Variants in TMEM135 observed in about 807,000 individuals in gnomAD.
The protein encoded by TMEM135 is transmembrane protein 135, also known as peroxisomal membrane protein 52.
In TMEM135, 30 loss-of-function variants were observed where a neutral mutation model predicts 60.3. The ratio of observed to expected loss-of-function variants is 0.50; its 90% confidence interval spans 0.37 to 0.68. The LOEUF (loss-of-function observed/expected upper bound fraction) is 0.68. Ranked by LOEUF, TMEM135 falls within the 30% of genes least tolerant of loss-of-function variation. The pLI, the probability that TMEM135 is intolerant of heterozygous loss-of-function variation, is 0.00. For missense variants in TMEM135, 468 were observed against 548.8 expected (o/e 0.85, Z 1.47); for synonymous variants, 190 against 186.7 (o/e 1.02, Z -0.14).
At chr11:87,040,291 GT>G (rs1180792562) in intron 1 of TMEM135, among the ~76,000 whole-genome samples, 2 of 144,820 alleles carry the variant, frequency 1.4e-5, no homozygotes, top group African/African-American at 5.8e-5. Flanking sequence ...CTTTGTGAGT[GT>G]TGGATAGTTG....
At chr11:87,189,758 G>GAAAAAAAAAAAAAAAAAAA (rs796303818) in intron 5 of TMEM135, among the ~76,000 whole-genome samples, 2 of 115,560 alleles carry the variant, frequency 1.7e-5, no homozygotes. Flanking sequence ...CGTCTCCACA[G>GAAAAAAAAAAAAAAAAAAA]AAAAAAAAAA....
chr11:87,298,675 T>C (rs760274354), intron 7 of TMEM135, among the ~76,000 whole-genome samples: 1 of 148,888 alleles, frequency 6.7e-6, no homozygotes, highest in Non-Finnish European at 1.5e-5. Context: ...TAATTCCAGA[T>C]GCTTGGGAGG....
intron 1 of TMEM135, among the ~76,000 whole-genome samples, chr11:87,056,668 C>T (rs1487654300): frequency 3.3e-5 from 5 of 152,070 alleles, no homozygotes; most frequent in Admixed American, 3.3e-4. Flanking sequence ...AATAGTGAGG[C>T]AGTTGTTATT....
chr11:87,203,723 G>A (rs1253328996), intron 5 of TMEM135, among the ~76,000 whole-genome samples: 1 of 152,120 alleles, frequency 6.6e-6, no homozygotes, highest in Non-Finnish European at 1.5e-5. Context: ...TATAAGTACC[G>A]AGGAGCACAA....
chr11:87,286,419 T>C (rs904959802), intron 6 of TMEM135, among the ~76,000 whole-genome samples: 6 of 152,226 alleles, frequency 3.9e-5, no homozygotes, highest in African/African-American at 1.4e-4. Context: ...ATAAAAGTTC[T>C]CCAAGTCCCC....
intron 5 of TMEM135, among the ~76,000 whole-genome samples, chr11:87,166,675 G>A (rs189761581): frequency 2.6e-5 from 4 of 151,566 alleles, no homozygotes; most frequent in East Asian, 1.9e-4. Flanking sequence ...TATCTGTTTT[G>A]GTACCAGTAC....
intron 5 of TMEM135, among the ~76,000 whole-genome samples, chr11:87,181,500 G>T (rs747018856): frequency 6.6e-6 from 1 of 152,102 alleles, no homozygotes; most frequent in African/African-American, 2.4e-5. Context: ...GCCAAATATC[G>T]TGTGATTCAG....
intron 4 of TMEM135, among the ~76,000 whole-genome samples, chr11:87,115,076 A>G (rs756860503): frequency 6.6e-6 from 1 of 152,202 alleles, no homozygotes; most frequent in Non-Finnish European, 1.5e-5. Flanking sequence ...GAGAAGCTCT[A>G]GTCAAAGATG....
Position 87,144,157 on chromosome 11 carries a change from A to G in TMEM135, c.397-13184A>G, listed in dbSNP as rs528477351. Reference sequence around the variant, plus strand: ...GTATAAAATAAAAAAAACTACAGAAATTATTAGTAGAGCTGTAAATTGTAT... The same window carrying G: ...GTATAAAATAAAAAAAACTACAGAAGTTATTAGTAGAGCTGTAAATTGTAT... On this transcript the variant is annotated intron_variant, in intron 4 of 14. Transcript: ENST00000305494. Among the ~76,000 whole-genome samples the G allele has an allele frequency of 4.9e-4, 74 of 152,274 alleles. 1 individual carries two copies. The Middle Eastern group carries it at 0.017, about 35-fold the overall frequency.
At position 87,318,197 on chromosome 11, in the gene TMEM135, A is replaced by G. The variant is rs1942764391; in HGVS notation, c.1138A>G (p.Ile380Val). ...TCCCTATTTTCCTCATGCAGATACT[A>G]TCATCTATTCCATCTCTACAGCAAT... is the stretch of plus-strand genomic sequence containing the variant. The part of the protein sequence containing the change: ...KVPYFPHADT[I>V]IYSISTAICF... Residue 380 changes from isoleucine to valine, a missense_variant, in exon 13 of 15, where the codon ATC (isoleucine) becomes GTC (valine). Physicochemically the swap from Ile to Val is conservative, Grantham distance 29. Transcript: ENST00000305494. The G allele has an allele frequency of 1.2e-6, 2 of 1,612,686 alleles. No homozygotes were observed. Among genetic ancestry groups the G allele is most frequent in the East Asian group, 2.2e-5 (1 of 44,842 alleles).
intron 5 of TMEM135, among the ~76,000 whole-genome samples, chr11:87,175,909 A>G (rs1939354992): frequency 6.6e-6 from 1 of 152,224 alleles, no homozygotes; most frequent in Admixed American, 6.5e-5. Flanking sequence ...AATTTTGCAT[A>G]TAATATTAGG....
intron 3 of TMEM135, among the ~76,000 whole-genome samples, chr11:87,081,333 ATTTT>A (rs371071857): frequency 0.019 from 2,846 of 146,256 alleles, 74 homozygotes; most frequent in East Asian, 0.062. Flanking sequence ...TTCCACTGTA[ATTTT>A]TTTTTTCGTT....
At chr11:87,249,303 G>T (rs539507993) in intron 6 of TMEM135, among the ~76,000 whole-genome samples, 18 of 152,186 alleles carry the variant, frequency 1.2e-4, no homozygotes, top group African/African-American at 3.9e-4. Context: ...ATCATGAAAA[G>T]ATGTTGAATT....
At chr11:87,153,694 A>G (rs918350439) in intron 4 of TMEM135, among the ~76,000 whole-genome samples, 14 of 152,276 alleles carry the variant, frequency 9.2e-5, no homozygotes, top group Non-Finnish European at 4.4e-5. Flanking sequence ...CCTAGATGTA[A>G]ACTCCTTAAA....
intron 5 of TMEM135, among the ~76,000 whole-genome samples, chr11:87,228,461 A>G (rs1008882931): frequency 6.6e-6 from 1 of 152,196 alleles, no homozygotes; most frequent in African/African-American, 2.4e-5. Context: ...AATGAAGTAC[A>G]GACGGCGCAA....
At chr11:87,252,798 ATGTGTGTGTGTGTG>A (rs558272693) in intron 6 of TMEM135, among the ~76,000 whole-genome samples, 3 of 134,216 alleles carry the variant, frequency 2.2e-5, no homozygotes, top group African/African-American at 5.6e-5. Flanking sequence ...TAAAATATAT[ATGTGTGTGTGTGTG>A]TGTGTGTGTG....
At chr11:87,091,798 A>G (rs1857212230) in intron 4 of TMEM135, among the ~76,000 whole-genome samples, 2 of 152,134 alleles carry the variant, frequency 1.3e-5, no homozygotes, top group Non-Finnish European at 2.9e-5. Context: ...CTTCTTGAAT[A>G]TAAAAACAAC....
intron 5 of TMEM135, among the ~76,000 whole-genome samples, chr11:87,174,271 TTAAGA>T (rs1188954588): frequency 5.9e-5 from 9 of 152,148 alleles, no homozygotes; most frequent in African/African-American, 2.2e-4. Flanking sequence ...GAAGAAAATA[TTAAGA>T]TACCTTACAC....
chr11:87,075,297 T>A (rs946032376), intron 3 of TMEM135, among the ~76,000 whole-genome samples: 3 of 151,618 alleles, frequency 2.0e-5, no homozygotes, highest in African/African-American at 7.3e-5. Flanking sequence ...TAGCTGGGAC[T>A]ATAGGTGCCC....
Sources: allele counts gnomAD v4.1 joint callset (sites outside exome capture counted in the v4.1 genomes callset), GRCh38; gene constraint gnomAD v4.1.1; transcripts MANE v1.5; gene names NCBI Gene and HGNC (gene_info 2026-07-23, HGNC 2026-07-21).